LIPC: variants seen among roughly 807,000 people sequenced by gnomAD.
LIPC encodes hepatic triacylglycerol lipase.
In LIPC, 44 loss-of-function variants were observed where a neutral mutation model predicts 50.7. The ratio of observed to expected loss-of-function variants is 0.87; its 90% CI spans 0.68 to 1.11. LIPC has a LOEUF of 1.11. Ranked by LOEUF, LIPC falls within the 50% of genes most tolerant of loss-of-function variation. The pLI, the probability that LIPC is intolerant of heterozygous loss-of-function variation, is 0.00. For synonymous variants in LIPC, 271 were observed against 256.4 expected, an observed-to-expected ratio of 1.06 and a Z score of -0.54; for missense variants, 697 against 648.2, an observed-to-expected ratio of 1.08 and a Z score of -0.82.
chr15:58,494,555 C>A (rs1891701694), intron 1 of LIPC, among the ~76,000 whole-genome samples: 1 of 152,196 alleles, frequency 6.6e-6, no homozygotes, highest in South Asian at 2.1e-4. Flanking sequence ...AGATATAAGA[C>A]AACATGGTTT....
intron 1 of LIPC, among the ~76,000 whole-genome samples, chr15:58,507,692 A>G (rs1968690): frequency 0.79 from 119,609 of 152,186 alleles, 47,312 homozygotes; most frequent in African/African-American, 0.88. Flanking sequence ...CACTGTGTAG[A>G]GGCTAAGGGA....
chr15:58,524,087 G>T (rs1378841319), intron 1 of LIPC, among the ~76,000 whole-genome samples: 2 of 151,418 alleles, frequency 1.3e-5, no homozygotes, highest in Admixed American at 6.6e-5. Context: ...TTCCCACCAT[G>T]GGTAACCACT....
At chr15:58,498,606 G>T (rs570012962) in intron 1 of LIPC, 9 of 152,238 alleles carry the variant, frequency 5.9e-5, no homozygotes, top group African/African-American at 1.7e-4. Flanking sequence ...TCTTTAGGGG[G>T]GCAATCATGA....
chr15:58,519,669 T>C (rs187952688), intron 1 of LIPC, among the ~76,000 whole-genome samples: 78 of 152,346 alleles, frequency 5.1e-4, no homozygotes, highest in African/African-American at 1.9e-3. Flanking sequence ...TCTTCATCAA[T>C]AGACTGAATA....
chr15:58,515,540 A>G (rs1341113068), intron 1 of LIPC, among the ~76,000 whole-genome samples: 1 of 150,816 alleles, frequency 6.6e-6, no homozygotes, highest in African/African-American at 2.4e-5. Flanking sequence ...ACACATATAT[A>G]TATATATATA....
chr15:58,565,335 G>C, intron 8 of LIPC: 1 of 1,532,996 alleles, frequency 6.5e-7, no homozygotes. Context: ...CTCAGTTTAG[G>C]TGGCTGCTCA....
chr15:58,458,950 G>C (rs1269907312), intron 1 of LIPC, among the ~76,000 whole-genome samples: 1 of 152,224 alleles, frequency 6.6e-6, no homozygotes, highest in Non-Finnish European at 1.5e-5. Flanking sequence ...GATAACATCA[G>C]AGTATGTCCA....
chr15:58,463,250 A>T (rs1894420140), intron 1 of LIPC, among the ~76,000 whole-genome samples: 1 of 152,236 alleles, frequency 6.6e-6, no homozygotes, highest in African/African-American at 2.4e-5. Flanking sequence ...CATTCACTCC[A>T]GGGTCCTGAT....
intron 1 of LIPC, among the ~76,000 whole-genome samples, chr15:58,518,879 G>A (rs1221644277): frequency 6.6e-6 from 1 of 151,766 alleles, no homozygotes; most frequent in East Asian, 1.9e-4. Flanking sequence ...TGGTTACGGT[G>A]GTTGTAAACA....
chr15:58,548,575 G>A lies in LIPC; in HGVS notation c.1051+3G>A. ...GCGAGCCCAGTCCCCCTTCAAAGGT[G>A]AGTGTGGAGCTGGGGAGCCTTCAGA... On this transcript the variant is annotated splice_donor_region_variant and intron_variant, in intron 6 of 8. Transcript: ENST00000299022. The A allele has an allele frequency of 6.3e-7, 1 of 1,588,852 alleles. No individual in the cohort carries two copies. The highest frequency in any genetic ancestry group is 8.6e-7 in the Non-Finnish European group (1 of 1,168,848).
intron 1 of LIPC, among the ~76,000 whole-genome samples, chr15:58,526,622 A>G (rs1442293043): frequency 1.3e-5 from 2 of 152,360 alleles, no homozygotes; most frequent in East Asian, 3.9e-4. Flanking sequence ...TACCTAAAGC[A>G]GGTGCACAGA....
intron 8 of LIPC, chr15:58,566,059 G>T (rs1382359533): frequency 6.1e-6 from 6 of 981,894 alleles, no homozygotes; most frequent in Admixed American, 6.2e-5. Context: ...AAGCATCTGG[G>T]AATCATGTTA....
intron 1 of LIPC, among the ~76,000 whole-genome samples, chr15:58,465,658 G>A (rs1189395903): frequency 1.3e-5 from 2 of 152,154 alleles, no homozygotes; most frequent in Non-Finnish European, 1.5e-5. Context: ...AAGTACTTGG[G>A]TTAGGCATTC....
chr15:58,565,447 G>A, intron 8 of LIPC: 2 of 1,423,944 alleles, frequency 1.4e-6, no homozygotes, highest in Non-Finnish European at 1.8e-6. Flanking sequence ...GAAATGAGGA[G>A]AGGGAGGGGC....
At chr15:58,511,162 G>C (rs1267271063) in intron 1 of LIPC, among the ~76,000 whole-genome samples, 1 of 152,156 alleles carries the variant, frequency 6.6e-6, no homozygotes, top group African/African-American at 2.4e-5. Flanking sequence ...ACATGAAATG[G>C]TACAAAATAC....
intron 1 of LIPC, among the ~76,000 whole-genome samples, chr15:58,495,514 G>C (rs1356014255): frequency 1.3e-5 from 2 of 152,218 alleles, no homozygotes; most frequent in Non-Finnish European, 2.9e-5. Flanking sequence ...AACCACCATA[G>C]CTAACTCTTG....
In LIPC at chr15:58,538,251, G is replaced by A. The variant is rs559559456; in HGVS notation, c.89-82G>A. 5.1e-6 allele frequency: 7 copies of A among 1,368,058 alleles called. No homozygotes were observed. In the South Asian group the frequency reaches 7.0e-5, roughly 14 times the overall value. 84.7% of individuals were successfully genotyped at this position (1,368,058 alleles called of 1,614,324 possible). ...CCAGTAACCTCTTTGGCTTGTGCTTGTAGAAGCAGCCTTTGAGAAGACGGA... is the reference window on the plus strand; with the variant it reads ...CCAGTAACCTCTTTGGCTTGTGCTTATAGAAGCAGCCTTTGAGAAGACGGA... On this transcript the variant is annotated intron_variant, in intron 1 of 8. Coordinates refer to ENST00000299022, the MANE Select transcript of LIPC (RefSeq NM_000236.3).
intron 1 of LIPC, among the ~76,000 whole-genome samples, chr15:58,433,330 T>A (rs1417771251): frequency 6.6e-6 from 1 of 152,244 alleles, no homozygotes; most frequent in Admixed American, 6.5e-5. Context: ...GAAAAGGGCC[T>A]CTATCATAAA....
At chr15:58,512,133 T>C (rs1892348902) in intron 1 of LIPC, among the ~76,000 whole-genome samples, 1 of 151,840 alleles carries the variant, frequency 6.6e-6, no homozygotes, top group African/African-American at 2.4e-5. Flanking sequence ...AGTCTCAATC[T>C]GTTGCCCCAG....
Sources: allele counts gnomAD v4.1 joint callset (sites outside exome capture counted in the v4.1 genomes callset), GRCh38; gene constraint gnomAD v4.1.1; transcripts MANE v1.5; gene names NCBI Gene and HGNC (gene_info 2026-07-23, HGNC 2026-07-21).